CEP162: variants seen among roughly 807,000 people sequenced by gnomAD.
The protein encoded by CEP162 is centrosomal protein of 162 kDa.
A neutral mutation model predicts 169.2 loss-of-function variants in CEP162; 141 were observed. The observed-to-expected ratio is 0.83, with a 90% CI of 0.73 to 0.96. CEP162 has a LOEUF of 0.96. Ranked by LOEUF, CEP162 falls within the 40% of genes least tolerant of loss-of-function variation. The probability of loss-of-function intolerance (pLI) is 0.00; values close to 1 mark genes in which losing one functional copy is unlikely to be tolerated. For missense variants in CEP162, 1,600 were observed against 1,587.2 expected (o/e 1.01, Z -0.14); for synonymous variants, 540 against 526.4 (o/e 1.03, Z -0.35).
chr6:84,145,330 T>G (rs966095441), intron 25 of CEP162, among the ~76,000 whole-genome samples: 3 of 152,134 alleles, frequency 2.0e-5, no homozygotes, highest in Non-Finnish European at 4.4e-5. Flanking sequence ...CTGAGAATCC[T>G]TATTAAAAGT....
At chr6:84,202,044 C>T (rs759939636) in intron 7 of CEP162, among the ~76,000 whole-genome samples, 1 of 152,188 alleles carries the variant, frequency 6.6e-6, no homozygotes, top group Non-Finnish European at 1.5e-5. Flanking sequence ...TATTTAAGTT[C>T]CATTTGCTCA....
chr6:84,160,969 G>T, intron 20 of CEP162, 53 bp from the exon 21 acceptor site: 2 of 1,237,764 alleles, frequency 1.6e-6, no homozygotes, highest in Non-Finnish European at 2.4e-6. Context: ...TAACAGAAAA[G>T]CTCCAAGGGG....
intron 25 of CEP162, among the ~76,000 whole-genome samples, chr6:84,142,990 G>A (rs1321329894): frequency 6.6e-6 from 1 of 151,940 alleles, no homozygotes; most frequent in African/African-American, 2.4e-5. Flanking sequence ...AGTACATTAA[G>A]TAAATATTAG....
chr6:84,211,218 G>C (rs149461397), intron 6 of CEP162, among the ~76,000 whole-genome samples: 1 of 151,234 alleles, frequency 6.6e-6, no homozygotes, highest in Non-Finnish European at 1.5e-5. Context: ...AACTGTTAGA[G>C]TGAAAGAAAA....
intron 25 of CEP162, among the ~76,000 whole-genome samples, chr6:84,137,914 G>A (rs2099514849): frequency 6.6e-6 from 1 of 152,138 alleles, no homozygotes; most frequent in Non-Finnish European, 1.5e-5. Context: ...CCCCATTGCA[G>A]CAGACATAAT....
intron 11 of CEP162, among the ~76,000 whole-genome samples, chr6:84,188,218 T>A (rs1017120449): frequency 2.0e-5 from 3 of 152,128 alleles, no homozygotes; most frequent in Admixed American, 1.3e-4. Context: ...AATCAAATAT[T>A]AAAGCAGATT....
intron 9 of CEP162, among the ~76,000 whole-genome samples, chr6:84,197,274 A>G (rs1355579225): frequency 6.6e-6 from 1 of 151,862 alleles, no homozygotes. Context: ...GAGGTAGGAG[A>G]GGCTGCTCAA....
chr6:84,201,324 T>C (rs1000905556), intron 8 of CEP162, among the ~76,000 whole-genome samples: 1 of 151,804 alleles, frequency 6.6e-6, no homozygotes, highest in Non-Finnish European at 1.5e-5. Flanking sequence ...ATGCAATGCA[T>C]ATTAAAACAA....
chr6:84,184,243 A>G (rs2099536144), intron 13 of CEP162, among the ~76,000 whole-genome samples: 1 of 152,168 alleles, frequency 6.6e-6, no homozygotes, highest in Non-Finnish European at 1.5e-5. Flanking sequence ...AATGTCATAC[A>G]AACAAAACAA....
intron 25 of CEP162, among the ~76,000 whole-genome samples, chr6:84,145,902 T>C (rs2099518646): frequency 1.3e-5 from 2 of 152,130 alleles, no homozygotes; most frequent in African/African-American, 4.8e-5. Context: ...TACAGACTAC[T>C]CCTACCATTA....
intron 25 of CEP162, among the ~76,000 whole-genome samples, chr6:84,134,760 T>C (rs540852159): frequency 1.3e-5 from 2 of 152,240 alleles, no homozygotes; most frequent in East Asian, 1.9e-4. Context: ...TTGATCTCAC[T>C]GAGACCTGTA....
chr6:84,207,902 A>C (rs1291198973), intron 6 of CEP162, among the ~76,000 whole-genome samples: 1 of 152,094 alleles, frequency 6.6e-6, no homozygotes, highest in Non-Finnish European at 1.5e-5. Flanking sequence ...TTAAAATAAG[A>C]CTTTAATATT....
chr6:84,225,172 G>A (rs907395708), intron 2 of CEP162, among the ~76,000 whole-genome samples: 1 of 152,030 alleles, frequency 6.6e-6, no homozygotes, highest in Non-Finnish European at 1.5e-5. Flanking sequence ...TTTATGCATC[G>A]CTTAATTATG....
rs1295014762 is a variant in CEP162, at chr6:84,175,239, G to C, written c.1772C>G (p.Thr591Ser). Residue 591 changes from threonine (T) to serine (S), a missense_variant, in exon 14 of 27, where the codon ACT (threonine) becomes AGT (serine). Coordinates refer to ENST00000403245, the MANE Select transcript of CEP162 (RefSeq NM_014895.4). ...AGTCTGAAACTGAATACAGGAATCA[G>C]TTTCTGTGGGATTTTCAGACTTCTT... Reference protein sequence around the residue: ...TRKKSENPTETDSCIQFQTDS... With the variant: ...TRKKSENPTESDSCIQFQTDS... The C allele has an allele frequency of 1.3e-6, 2 of 1,541,768 alleles. No individual in the cohort carries two copies. Among genetic ancestry groups the C allele is most frequent in the Admixed American group, 4.0e-5 (2 of 50,082 alleles).
chr6:84,146,661 AGCCCAATATTTTG>A lies in CEP162; in HGVS notation c.3870+13_3870+25del. ...GAAATGCCTAAGAAAAACTTATTTT[AGCCCAATATTTTG>A]GCCATTTCTTACCTCTTTCTGTAGA... On this transcript the variant is annotated intron_variant, in intron 25 of 26. Transcript: ENST00000403245. 1 of 1,091,516 alleles carries A rather than the reference AGCCCAATATTTTG, an allele frequency of 9.2e-7. No homozygotes were observed. Among genetic ancestry groups the A allele is most frequent in the Non-Finnish European group, 1.3e-6 (1 of 753,496 alleles). 67.6% of individuals were successfully genotyped at this position (1,091,516 alleles called of 1,614,324 possible). A position where few individuals can be genotyped will look rare whatever the true frequency, so the allele number is the denominator to read the frequency against.
At position 84,186,441 on chromosome 6, in the gene CEP162, G is replaced by A; in HGVS notation, c.1292C>T (p.Thr431Ile). ...ESMENSCPQV[T>I]EVTATEEHVD... ...ATGTTCTTCTGTGGCAGTTACTTCAGTTACTTGTGGACAGCTGTTTTCCAT... is the reference window on the plus strand; with the variant it reads ...ATGTTCTTCTGTGGCAGTTACTTCAATTACTTGTGGACAGCTGTTTTCCAT... Residue 431 changes from threonine to isoleucine, a missense_variant, in exon 12 of 27, where the codon ACT (threonine) becomes ATT (isoleucine). Transcript: ENST00000403245. The A allele has an allele frequency of 6.2e-7, 1 of 1,610,812 alleles. No individual in the cohort carries two copies. The highest frequency in any genetic ancestry group is 2.2e-5 in the East Asian group (1 of 44,764).
rs369357220 is a variant in CEP162, at chr6:84,169,338, C to T, written c.2375G>A (p.Arg792Gln). 1.9e-5 allele frequency: 29 copies of T among 1,562,128 alleles called. No individual in the cohort carries two copies. The highest frequency in any genetic ancestry group is 2.4e-5 in the South Asian group (2 of 81,814). ...CGTTATGCAACTTACCTGTGCCATC[C>T]GTAGTTCTGCTAACAGATCTGTAAA... ...QNFTDLLAELRMAQKEKDSLL... is the reference protein window; with the variant it reads ...QNFTDLLAELQMAQKEKDSLL... The change falls in exon 18 of 27, where the codon CGG becomes CAG. Residue 792 changes from arginine to glutamine, a missense_variant. Transcript: ENST00000403245.
intron 26 of CEP162, 113 bp from the exon 27 acceptor site, chr6:84,125,389 CAT>C (rs1303598386): frequency 9.7e-6 from 8 of 820,544 alleles, no homozygotes; most frequent in Non-Finnish European, 1.6e-5. Flanking sequence ...TCAGGTAAAT[CAT>C]AATGCTCTGC....
In CEP162 at chr6:84,215,932, CAATTT is replaced by C; in HGVS notation, c.173-15_173-11del. 6.5e-7 allele frequency: 1 copy of C among 1,526,954 alleles called. No individual in the cohort carries two copies. The highest frequency in any genetic ancestry group is 1.3e-5 in the South Asian group (1 of 79,062). 94.6% of individuals were successfully genotyped at this position (1,526,954 alleles called of 1,614,324 possible). A position where few individuals can be genotyped will look rare whatever the true frequency, so the allele number is the denominator to read the frequency against. Reference sequence around the variant, plus strand: ...TTTGTTCCAAGAAGTCCTAGGTACACAATTTAATACAGATGAAGATTTATGTTCAA... The same window carrying C: ...TTTGTTCCAAGAAGTCCTAGGTACACAATACAGATGAAGATTTATGTTCAA... On this transcript the variant is annotated splice_polypyrimidine_tract_variant and intron_variant, in intron 3 of 26. Transcript: ENST00000403245.
Sources: allele counts gnomAD v4.1 joint callset (sites outside exome capture counted in the v4.1 genomes callset), GRCh38; gene constraint gnomAD v4.1.1; transcripts MANE v1.5; gene names NCBI Gene and HGNC (gene_info 2026-07-23, HGNC 2026-07-21).